Variants in NAALADL2 observed in about 807,000 individuals in gnomAD.
NAALADL2 encodes N-acetylated alpha-linked acidic dipeptidase like 2, also known as inactive N-acetylated-alpha-linked acidic dipeptidase-like protein 2.
Under a neutral mutation model 87.2 loss-of-function variants are expected in NAALADL2, and 76 were observed. That is an observed-to-expected ratio of 0.87 (90% CI 0.72 to 1.05). The LOEUF (loss-of-function observed/expected upper bound fraction) is 1.05. Ranked by LOEUF, NAALADL2 falls within the 50% of genes least tolerant of loss-of-function variation. The pLI is 0.00. For synonymous variants in NAALADL2, 354 were observed against 331.0 expected (o/e 1.07, Z -0.75); for missense variants, 1,089 against 945.8 (o/e 1.15, Z -1.99).
intron 9 of NAALADL2, among the ~76,000 whole-genome samples, chr3:175,478,339 T>C (rs1472098231): frequency 6.6e-6 from 1 of 151,960 alleles, no homozygotes; most frequent in East Asian, 1.9e-4. Context: ...CATTTAGAAT[T>C]GTGATTCTAT....
At chr3:174,574,439 T>C (rs1271622367) in intron 2 of NAALADL2, among the ~76,000 whole-genome samples, 1 of 152,126 alleles carries the variant, frequency 6.6e-6, no homozygotes, top group East Asian at 1.9e-4. Context: ...GTTTTATTTT[T>C]CCCTAAGTAT....
intron 1 of NAALADL2, among the ~76,000 whole-genome samples, chr3:174,973,852 A>G (rs1177994678): frequency 6.6e-6 from 1 of 152,202 alleles, no homozygotes; most frequent in East Asian, 1.9e-4. Context: ...TGGGACCGCC[A>G]TCAAATATGT....
intron 1 of NAALADL2, among the ~76,000 whole-genome samples, chr3:174,529,191 T>C (rs768443105): frequency 6.6e-6 from 1 of 152,242 alleles, no homozygotes; most frequent in Non-Finnish European, 1.5e-5. Context: ...TGGGAGACAC[T>C]GTCCAAAACA....
chr3:175,521,255 AAAT>A (rs1329341119), intron 9 of NAALADL2, among the ~76,000 whole-genome samples: 1 of 152,068 alleles, frequency 6.6e-6, no homozygotes, highest in Non-Finnish European at 1.5e-5. Flanking sequence ...AATCTGAATA[AAAT>A]AATAATACTA....
In NAALADL2 at chr3:175,159,009, T is replaced by C. The variant is rs185465823; in HGVS notation, c.545+61718T>C. On this transcript the variant is annotated intron_variant, in intron 2 of 13. Coordinates refer to ENST00000454872, the MANE Select transcript of NAALADL2 (RefSeq NM_207015.3). ...ATAAAGTCATTAGTGAATTTTTACATGATTTTTTAAGTTTTAGAAATCAAA... is the reference window on the plus strand; with the variant it reads ...ATAAAGTCATTAGTGAATTTTTACACGATTTTTTAAGTTTTAGAAATCAAA... Among the ~76,000 whole-genome samples the C allele has an allele frequency of 9.0e-4, 137 of 152,276 alleles. No homozygotes were observed. In the Middle Eastern group the frequency reaches 0.02, roughly 23 times the overall value.
At chr3:175,703,527 G>C (rs1385338201) in intron 11 of NAALADL2, among the ~76,000 whole-genome samples, 2 of 152,102 alleles carry the variant, frequency 1.3e-5, no homozygotes, top group Non-Finnish European at 2.9e-5. Flanking sequence ...CGGATCACCT[G>C]AGGTCAGGAG....
chr3:174,519,326 C>CTTT (rs557612913), intron 1 of NAALADL2, among the ~76,000 whole-genome samples: 1 of 128,928 alleles, frequency 7.8e-6, no homozygotes, highest in Non-Finnish European at 1.7e-5. Flanking sequence ...TGAAGATTTC[C>CTTT]TTTTTTTTTT....
intron 2 of NAALADL2, among the ~76,000 whole-genome samples, chr3:175,102,771 C>A (rs1343129780): frequency 3.9e-5 from 6 of 151,992 alleles, no homozygotes; most frequent in Non-Finnish European, 7.4e-5. Context: ...ATATAAAAGA[C>A]CATATTTTCT....
chr3:175,590,927 G>C (rs1207971747), intron 10 of NAALADL2, among the ~76,000 whole-genome samples: 2 of 152,068 alleles, frequency 1.3e-5, no homozygotes, highest in Non-Finnish European at 2.9e-5. Flanking sequence ...ATGAAGGGGG[G>C]TGCGAATTAT....
intron 1 of NAALADL2, among the ~76,000 whole-genome samples, chr3:174,889,059 G>A (rs532413526): frequency 1.3e-5 from 2 of 152,168 alleles, no homozygotes; most frequent in East Asian, 3.9e-4. Context: ...ATTTAAACAC[G>A]TTTCATAATT....
chr3:175,076,556 G>A (rs73037211), intron 1 of NAALADL2, among the ~76,000 whole-genome samples: 4,793 of 152,142 alleles, frequency 0.032, 243 homozygotes, highest in African/African-American at 0.11. Context: ...GGAAAATGAC[G>A]ACCCTGCTAA....
At chr3:175,112,765 G>A (rs1343020286) in intron 2 of NAALADL2, among the ~76,000 whole-genome samples, 3 of 151,572 alleles carry the variant, frequency 2.0e-5, no homozygotes, top group African/African-American at 7.3e-5. Context: ...GGAACATACG[G>A]TCATATGAGA....
intron 1 of NAALADL2, among the ~76,000 whole-genome samples, chr3:174,908,023 T>A (rs1173492531): frequency 1.6e-5 from 1 of 63,800 alleles, no homozygotes; most frequent in African/African-American, 7.8e-5. Context: ...AGAAGTTGGT[T>A]TTTTTTTTTT....
At chr3:175,740,704 T>C (rs1188704767) in intron 12 of NAALADL2, among the ~76,000 whole-genome samples, 2 of 152,238 alleles carry the variant, frequency 1.3e-5, no homozygotes, top group African/African-American at 4.8e-5. Context: ...TGATCTTTTT[T>C]ATCCTGAATA....
At chr3:175,795,056 TG>T (rs926010159) in intron 13 of NAALADL2, among the ~76,000 whole-genome samples, 2 of 152,144 alleles carry the variant, frequency 1.3e-5, no homozygotes, top group African/African-American at 4.8e-5. Context: ...AATCCCATCC[TG>T]GGGGCTCTAC....
chr3:175,404,806 T>G (rs1188439630), intron 5 of NAALADL2, among the ~76,000 whole-genome samples: 1 of 152,170 alleles, frequency 6.6e-6, no homozygotes, highest in African/African-American at 2.4e-5. Flanking sequence ...CATCAGCACT[T>G]TACTACTATC....
intron 8 of NAALADL2, among the ~76,000 whole-genome samples, chr3:175,469,514 TAAC>T (rs1724566526): frequency 6.6e-6 from 1 of 152,054 alleles, no homozygotes; most frequent in African/African-American, 2.4e-5. Flanking sequence ...TCAATAAACT[TAAC>T]AATGGAATTT....
In NAALADL2 at chr3:175,173,408, G is replaced by A. The variant is rs575450321; in HGVS notation, c.546-60523G>A. Among the ~76,000 whole-genome samples the A allele has an allele frequency of 7.9e-5, 12 of 152,178 alleles. No individual in the cohort carries two copies. The South Asian group carries it at 2.5e-3, about 32-fold the overall frequency. The stretch of plus-strand genomic sequence containing the variant: ...TCCCAGATACTCAGGAGGCTGAAGT[G>A]GGAGAATTGCTTGAGTCTGGGAGGC... On this transcript the variant is annotated intron_variant, in intron 2 of 13. Coordinates refer to ENST00000454872, the MANE Select transcript of NAALADL2 (RefSeq NM_207015.3).
chr3:174,926,531 A>G lies in NAALADL2; in HGVS notation c.43+67081A>G, dbSNP rs1736065701. Among the ~76,000 whole-genome samples the G allele has an allele frequency of 3.3e-5, 5 of 152,212 alleles. No homozygotes were observed. In the South Asian group the frequency reaches 1.0e-3, roughly 32 times the overall value. ...CTCGGTAGAAACTCTACAAGCCAGA[A>G]GAGAGTGGGGGCCAATATTCAACAT... On this transcript the variant is annotated intron_variant, in intron 1 of 13. Transcript: ENST00000454872.
Sources: allele counts gnomAD v4.1 joint callset (sites outside exome capture counted in the v4.1 genomes callset), GRCh38; gene constraint gnomAD v4.1.1; transcripts MANE v1.5; gene names NCBI Gene and HGNC (gene_info 2026-07-23, HGNC 2026-07-21).